ASTN2: variants seen among roughly 807,000 people sequenced by gnomAD.
The protein encoded by ASTN2 is astrotactin-2.
In ASTN2, 54 loss-of-function variants were observed where a neutral mutation model predicts 139.8. The ratio of observed to expected loss-of-function variants is 0.39; its 90% CI spans 0.31 to 0.48. The LOEUF is 0.48. ASTN2 is among the 20% of genes least tolerant of loss of function. The pLI is 0.95. For synonymous variants in ASTN2, 756 were observed against 719.5 expected, an observed-to-expected ratio of 1.05 and a Z score of -0.81; for missense variants, 1,565 against 1,725.1, an observed-to-expected ratio of 0.91 and a Z score of 1.64.
At chr9:116,494,208 T>C (rs1032044533) in intron 19 of ASTN2, among the ~76,000 whole-genome samples, 2 of 152,126 alleles carry the variant, frequency 1.3e-5, no homozygotes, top group Non-Finnish European at 2.9e-5. Flanking sequence ...ACACCTAGTT[T>C]TGAAGCCAGA....
intron 4 of ASTN2, among the ~76,000 whole-genome samples, chr9:117,108,725 G>T (rs1187687891): frequency 6.6e-6 from 1 of 152,180 alleles, no homozygotes; most frequent in Admixed American, 6.5e-5. Flanking sequence ...AACTGGCTGT[G>T]TGACCTTGCT....
At chr9:116,742,480 C>A (rs1829120798) in intron 13 of ASTN2, among the ~76,000 whole-genome samples, 1 of 152,134 alleles carries the variant, frequency 6.6e-6, no homozygotes, top group Non-Finnish European at 1.5e-5. Flanking sequence ...GTCAAACCAC[C>A]CCTCATTCAT....
rs1042665010 is a variant in ASTN2 at position 116,976,262 on chromosome 9, C to G, written c.1677-74G>C. The G allele has an allele frequency of 1.6e-5, 20 of 1,236,096 alleles. No individual in the cohort carries two copies. In the African/African-American group the frequency reaches 2.7e-4, roughly 16 times the overall value. 76.6% of individuals were successfully genotyped at this position (1,236,096 alleles called of 1,614,324 possible). ...GTAGAATTCACATGTGGACACTGCT[C>G]TAGAGTAGCTTTACAAACAACCAAA... is the stretch of plus-strand genomic sequence containing the variant. On this transcript the variant is annotated intron_variant, in intron 8 of 22. Transcript: ENST00000313400.
intron 19 of ASTN2, among the ~76,000 whole-genome samples, chr9:116,607,581 A>G (rs1384840265): frequency 6.6e-6 from 1 of 152,020 alleles, no homozygotes; most frequent in Non-Finnish European, 1.5e-5. Flanking sequence ...CCTGGAAAAT[A>G]AAGAAGAATC....
intron 19 of ASTN2, among the ~76,000 whole-genome samples, chr9:116,602,305 CT>C (rs1277748207): frequency 6.6e-6 from 1 of 152,044 alleles, no homozygotes; most frequent in African/African-American, 2.4e-5. Flanking sequence ...CATTTTGATG[CT>C]GGAAGATGCA....
intron 10 of ASTN2, among the ~76,000 whole-genome samples, chr9:116,968,696 C>T (rs1230036837): frequency 3.3e-5 from 5 of 151,924 alleles, no homozygotes; most frequent in Non-Finnish European, 7.4e-5. Context: ...GTCAGGAGTT[C>T]GAAACCAGCC....
intron 19 of ASTN2, among the ~76,000 whole-genome samples, chr9:116,523,380 G>A (rs1850962143): frequency 6.6e-6 from 1 of 152,076 alleles, no homozygotes; most frequent in African/African-American, 2.4e-5. Flanking sequence ...AACAAGAAAA[G>A]GTCTGCCTAT....
intron 7 of ASTN2, among the ~76,000 whole-genome samples, chr9:116,986,667 T>C (rs574875960): frequency 6.6e-6 from 1 of 152,282 alleles, no homozygotes; most frequent in Admixed American, 6.5e-5. Context: ...GTGGGCTCTA[T>C]TACTAACCCC....
intron 13 of ASTN2, among the ~76,000 whole-genome samples, chr9:116,789,480 C>G (rs546578850): frequency 2.0e-5 from 3 of 152,294 alleles, no homozygotes; most frequent in Admixed American, 6.5e-5. Flanking sequence ...AGGTGTTCCA[C>G]TAGATTATCA....
At chr9:116,444,014 C>A (rs1847913704) in intron 20 of ASTN2, among the ~76,000 whole-genome samples, 1 of 152,040 alleles carries the variant, frequency 6.6e-6, no homozygotes. Flanking sequence ...GTGCTAAGAC[C>A]CTAATATGTG....
At chr9:116,754,442 T>G (rs1182535407) in intron 13 of ASTN2, among the ~76,000 whole-genome samples, 1 of 152,226 alleles carries the variant, frequency 6.6e-6, no homozygotes, top group Non-Finnish European at 1.5e-5. Flanking sequence ...GTAAAAGCAT[T>G]CTTATTTCTC....
chr9:116,918,211 T>C (rs1034748334), intron 10 of ASTN2, among the ~76,000 whole-genome samples: 3 of 152,180 alleles, frequency 2.0e-5, no homozygotes, highest in Non-Finnish European at 2.9e-5. Context: ...ATATATGGAC[T>C]GATACAGTAC....
At chr9:117,320,066 T>A (rs1346497738) in intron 1 of ASTN2, among the ~76,000 whole-genome samples, 1 of 152,046 alleles carries the variant, frequency 6.6e-6, no homozygotes, top group Non-Finnish European at 1.5e-5. Flanking sequence ...GGTAGCAAAG[T>A]CAAATTAAAC....
intron 6 of ASTN2, among the ~76,000 whole-genome samples, chr9:117,016,813 T>TTTTA (rs1554769653): frequency 1.5e-3 from 143 of 92,582 alleles, no homozygotes; most frequent in Middle Eastern, 5.7e-3. Context: ...TATATATGTT[T>TTTTA]TATATATATA....
intron 2 of ASTN2, among the ~76,000 whole-genome samples, chr9:117,226,310 T>C (rs980741457): frequency 1.3e-5 from 2 of 152,304 alleles, no homozygotes; most frequent in Admixed American, 1.3e-4. Flanking sequence ...TATGGAACCT[T>C]GGATAGGCTA....
At chr9:116,440,925 A>C in intron 21 of ASTN2, 133 bp from the exon 22 acceptor site, 1 of 828,594 alleles carries the variant, frequency 1.2e-6, no homozygotes, top group Non-Finnish European at 1.9e-6. Flanking sequence ...GACAAACCTT[A>C]ATTTCATCTT....
At chr9:117,336,516 G>GCCCA (rs910426707) in intron 1 of ASTN2, among the ~76,000 whole-genome samples, 6 of 152,126 alleles carry the variant, frequency 3.9e-5, no homozygotes, top group Non-Finnish European at 2.9e-5. Flanking sequence ...GCAGGAGGAA[G>GCCCA]CCCACCTCAG....
chr9:116,704,903 A>G (rs1827952260), intron 16 of ASTN2, among the ~76,000 whole-genome samples: 1 of 152,224 alleles, frequency 6.6e-6, no homozygotes, highest in Non-Finnish European at 1.5e-5. Context: ...ACTAATATGT[A>G]GTACATACAT....
intron 4 of ASTN2, among the ~76,000 whole-genome samples, chr9:117,101,229 C>A (rs1294826725): frequency 6.6e-6 from 1 of 152,172 alleles, no homozygotes; most frequent in African/African-American, 2.4e-5. Flanking sequence ...AGGCATACAG[C>A]CTCTGAGTAT....
Sources: gnomAD v4.1 joint callset for allele counts (sites outside exome capture counted in the v4.1 genomes callset) on GRCh38, gnomAD v4.1.1 for gene constraint, MANE v1.5 for transcripts, NCBI Gene and HGNC (gene_info 2026-07-23, HGNC 2026-07-21) for gene names.